SFRP1: variants seen among roughly 807,000 people sequenced by gnomAD.
SFRP1 encodes secreted frizzled related protein 1.
SFRP1 carries 9 observed loss-of-function variants against 25.9 expected under a neutral mutation model. The ratio of observed to expected loss-of-function variants is 0.35; its 90% CI spans 0.21 to 0.61. The LOEUF (loss-of-function observed/expected upper bound fraction) is 0.61. SFRP1 is among the 20% of genes least tolerant of loss of function. The pLI is 0.78. For synonymous variants in SFRP1, 178 were observed against 174.0 expected (o/e 1.02, Z -0.18); for missense variants, 346 against 418.2 (o/e 0.83, Z 1.51).
At chr8:41,267,316 G>A (rs1216182899) in intron 2 of SFRP1, among the ~76,000 whole-genome samples, 1 of 152,188 alleles carries the variant, frequency 6.6e-6, no homozygotes, top group Non-Finnish European at 1.5e-5. Context: ...CTCCACAGGG[G>A]CTGCTGATGA....
chr8:41,299,040 A>T (rs1450400571), intron 2 of SFRP1, among the ~76,000 whole-genome samples: 1 of 152,150 alleles, frequency 6.6e-6, no homozygotes, highest in Non-Finnish European at 1.5e-5. Flanking sequence ...ATAACACATA[A>T]GCCAGATGCA....
At chr8:41,271,563 T>C (rs946000906) in intron 2 of SFRP1, 40 of 164,350 alleles carry the variant, frequency 2.4e-4, no homozygotes, top group African/African-American at 9.0e-4. Context: ...TTCATTAGGT[T>C]AGACTAAGTG....
At chr8:41,274,662 A>T (rs1585507255) in intron 2 of SFRP1, among the ~76,000 whole-genome samples, 1 of 152,342 alleles carries the variant, frequency 6.6e-6, no homozygotes, top group East Asian at 1.9e-4. Context: ...TGAAGAAATC[A>T]CTAAAATACT....
At chr8:41,276,964 G>T (rs2117488971) in intron 2 of SFRP1, 1 of 456,332 alleles carries the variant, frequency 2.2e-6, no homozygotes, top group Non-Finnish European at 4.4e-6. Context: ...ATACACACCA[G>T]CAGCATCGGT....
intron 2 of SFRP1, among the ~76,000 whole-genome samples, chr8:41,297,070 A>G (rs1170412240): frequency 6.6e-6 from 1 of 152,118 alleles, no homozygotes; most frequent in Non-Finnish European, 1.5e-5. Flanking sequence ...TTTGAGACAG[A>G]GTTTCGCTCT....
chr8:41,285,021 G>A (rs1347728279), intron 2 of SFRP1, among the ~76,000 whole-genome samples: 2 of 152,204 alleles, frequency 1.3e-5, no homozygotes, highest in African/African-American at 2.4e-5. Context: ...CTCCGCTTCC[G>A]ACCTGGTGGC....
intron 1 of SFRP1, among the ~76,000 whole-genome samples, chr8:41,305,734 C>A (rs1383640062): frequency 1.3e-5 from 2 of 152,194 alleles, no homozygotes; most frequent in Admixed American, 6.5e-5. Context: ...GTGGAGGAGA[C>A]AGCCCAACAG....
chr8:41,274,545 A>G (rs1375197439), intron 2 of SFRP1, among the ~76,000 whole-genome samples: 1 of 152,236 alleles, frequency 6.6e-6, no homozygotes, highest in African/African-American at 2.4e-5. Context: ...TGCAAGAGAG[A>G]TAAATCTTTA....
Position 41,308,797 on chromosome 8 carries a change from G to A in SFRP1, c.363C>T (p.Cys121=), listed in dbSNP as rs1411640698. The change falls in exon 1 of 3, where the codon TGC becomes TGT. Residue 121 remains cysteine, a synonymous_variant. Transcript: ENST00000220772. ...GACACGGGTAGATGGGCCGGTCCAG[G>A]CAGACGGGCGCGAAGAGCGAGCAGA... ...VFLCSLFAPV[C]LDRPIYPCRW... is the part of the protein sequence containing the mutation. The A allele has an allele frequency of 6.2e-7, 1 of 1,611,050 alleles. No homozygotes were observed. Among genetic ancestry groups the A allele is most frequent in the South Asian group, 1.1e-5 (1 of 90,848 alleles).
rs1803954664 is a variant in SFRP1, at chr8:41,303,514, T to A, written c.569A>T (p.Asp190Val). Residue 190 changes from aspartate to valine, a missense_variant, in exon 2 of 3, where the codon GAC becomes GTC. By Grantham distance (152) the Asp-to-Val change is radical. Transcript: ENST00000220772. ...GATGGCCTCAGATTTCAACTCGTTG[T>A]CACAGGGAGGACACACCGTTGTGCC... ...PQGTTVCPPCDNELKSEAIIE... is the reference protein window; with the variant it reads ...PQGTTVCPPCVNELKSEAIIE... The A allele has an allele frequency of 6.2e-7, 1 of 1,613,968 alleles. No individual in the cohort carries two copies. Among genetic ancestry groups the A allele is most frequent in the East Asian group, 2.2e-5 (1 of 44,866 alleles).
chr8:41,293,760 T>G (rs964606423), intron 2 of SFRP1, among the ~76,000 whole-genome samples: 2 of 149,926 alleles, frequency 1.3e-5, no homozygotes, highest in African/African-American at 4.9e-5. Context: ...TTGTGGGGGG[T>G]TTTGTTTTTG....
chr8:41,289,151 C>G (rs878863871), intron 2 of SFRP1, among the ~76,000 whole-genome samples: 9 of 152,314 alleles, frequency 5.9e-5, no homozygotes, highest in Admixed American at 3.3e-4. Context: ...GCCAGTGTTC[C>G]CAGGGGCCTT....
intron 2 of SFRP1, among the ~76,000 whole-genome samples, chr8:41,286,588 GTCACAGCCACTAGAATGCTCCAGGCCA>G (rs1474751560): frequency 2.0e-5 from 3 of 152,130 alleles, no homozygotes; most frequent in African/African-American, 7.2e-5. Flanking sequence ...TTCCCAAAGA[GTCACAGCCACTAGAATGCTCCAGGCCA>G]TCTGGCCTTC....
intron 1 of SFRP1, among the ~76,000 whole-genome samples, chr8:41,307,330 T>C (rs910649777): frequency 6.6e-5 from 10 of 152,210 alleles, no homozygotes; most frequent in Non-Finnish European, 1.0e-4. Flanking sequence ...CGACAGTCAC[T>C]GTGGACCCAT....
At chr8:41,267,644 C>T (rs767465985) in intron 2 of SFRP1, among the ~76,000 whole-genome samples, 5 of 152,154 alleles carry the variant, frequency 3.3e-5, no homozygotes, top group Non-Finnish European at 5.9e-5. Flanking sequence ...AAGTATTTTC[C>T]GTGCATTTCC....
chr8:41,293,624 C>A (rs1390918120), intron 2 of SFRP1, among the ~76,000 whole-genome samples: 2 of 152,010 alleles, frequency 1.3e-5, no homozygotes, highest in Non-Finnish European at 2.9e-5. Context: ...CCAGGCCCCA[C>A]CGAAGACCCC....
At position 41,263,129 on chromosome 8, in the gene SFRP1, G is replaced by A. The variant is rs1254340200; in HGVS notation, c.*2038C>T. 1 of 152,604 alleles carries A rather than the reference G, an allele frequency of 6.6e-6. No homozygotes were observed. The highest frequency in any genetic ancestry group is 1.5e-5 in the Non-Finnish European group (1 of 68,042). The allele number at this position is 152,604 out of a possible 1,614,324, so 9.5% of individuals were successfully genotyped here. A position where few individuals can be genotyped will look rare whatever the true frequency, so the allele number is the denominator to read the frequency against. ...AGGGCCCGGTTGCATGAGGCACTTTGTCAAAATGAGCAGATACGTATGAGC... is the reference window on the plus strand; with the variant it reads ...AGGGCCCGGTTGCATGAGGCACTTTATCAAAATGAGCAGATACGTATGAGC... On this transcript the variant is annotated 3_prime_UTR_variant, in exon 3 of 3. Transcript: ENST00000220772.
intron 2 of SFRP1, among the ~76,000 whole-genome samples, chr8:41,300,718 GA>G (rs1287739533): frequency 6.6e-6 from 1 of 152,204 alleles, no homozygotes; most frequent in Non-Finnish European, 1.5e-5. Context: ...GGCTATTTAA[GA>G]GGCGAGAGTG....
intron 1 of SFRP1, among the ~76,000 whole-genome samples, chr8:41,305,807 GTCTC>G (rs1205713850): frequency 1.3e-5 from 2 of 152,228 alleles, no homozygotes; most frequent in East Asian, 1.9e-4. Flanking sequence ...TGCTTTCTCA[GTCTC>G]TCTCTCTTTC....
Sources: gnomAD v4.1 joint callset for allele counts (sites outside exome capture counted in the v4.1 genomes callset) on GRCh38, gnomAD v4.1.1 for gene constraint, MANE v1.5 for transcripts, NCBI Gene and HGNC (gene_info 2026-07-23, HGNC 2026-07-21) for gene names.